CNTNAP5: variants seen among roughly 807,000 people sequenced by gnomAD.
CNTNAP5 encodes the protein contactin associated protein family member 5.
CNTNAP5 carries 72 observed loss-of-function variants against 150.2 expected under a neutral mutation model. The ratio of observed to expected loss-of-function variants is 0.48; its 90% CI spans 0.40 to 0.58. The LOEUF is 0.58. Ranked by LOEUF, CNTNAP5 falls within the 20% of genes least tolerant of loss-of-function variation. CNTNAP5 has a pLI of 0.00. For missense variants in CNTNAP5, 1,636 were observed against 1,626.2 expected, an observed-to-expected ratio of 1.01 and a Z score of -0.10; for synonymous variants, 672 against 619.8, an observed-to-expected ratio of 1.08 and a Z score of -1.25.
At chr2:124,437,439 C>G (rs1692560677) in intron 5 of CNTNAP5, among the ~76,000 whole-genome samples, 1 of 152,072 alleles carries the variant, frequency 6.6e-6, no homozygotes, top group South Asian at 2.1e-4. Context: ...AATTACTTGT[C>G]CCATTTATAC....
At chr2:124,111,424 A>C (rs888981079) in intron 1 of CNTNAP5, among the ~76,000 whole-genome samples, 1 of 152,190 alleles carries the variant, frequency 6.6e-6, no homozygotes, top group Admixed American at 6.5e-5. Context: ...GTAGCTTGGC[A>C]TGACTGATTC....
At chr2:124,528,740 A>G (rs1050662240) in intron 10 of CNTNAP5, among the ~76,000 whole-genome samples, 4 of 152,144 alleles carry the variant, frequency 2.6e-5, no homozygotes, top group Non-Finnish European at 5.9e-5. Flanking sequence ...ATTTGGTTTC[A>G]TGCTCTTGGT....
intron 19 of CNTNAP5, among the ~76,000 whole-genome samples, chr2:124,811,295 T>C (rs1682213112): frequency 6.6e-6 from 1 of 152,100 alleles, no homozygotes. Flanking sequence ...GTAATGGAAC[T>C]AAAATAACTG....
chr2:124,345,170 A>T (rs1027041101), intron 3 of CNTNAP5, among the ~76,000 whole-genome samples: 4 of 152,228 alleles, frequency 2.6e-5, no homozygotes, highest in African/African-American at 4.8e-5. Flanking sequence ...AGTCCTTTGT[A>T]TGGAAAGCAA....
In CNTNAP5 at chr2:124,582,994, G is replaced by T. The variant is rs574928321; in HGVS notation, c.1756+19671G>T. On this transcript the variant is annotated intron_variant, in intron 11 of 23. Transcript: ENST00000682447. ...AAATTATATTCATAATTTAAAAAAG[G>T]CTTTTTTTTCCAGCTTGACACCTCA... Among the ~76,000 whole-genome samples, 235 of 152,158 alleles carry T rather than the reference G, an allele frequency of 1.5e-3. 2 individuals carry two copies. The highest frequency in any genetic ancestry group is 2.6e-3 in the Non-Finnish European group (176 of 67,986).
chr2:124,027,624 A>T (rs998529140), intron 1 of CNTNAP5, among the ~76,000 whole-genome samples: 1 of 152,258 alleles, frequency 6.6e-6, no homozygotes, highest in Admixed American at 6.5e-5. Flanking sequence ...TTTAAGACTC[A>T]TGCTTATCAT....
intron 23 of CNTNAP5, among the ~76,000 whole-genome samples, chr2:124,911,752 C>T (rs555915436): frequency 2.0e-5 from 3 of 152,168 alleles, no homozygotes; most frequent in East Asian, 3.9e-4. Flanking sequence ...CATCTTGCCT[C>T]TGATTCATGA....
chr2:124,034,534 C>T (rs1442034586), intron 1 of CNTNAP5, among the ~76,000 whole-genome samples: 1 of 152,194 alleles, frequency 6.6e-6, no homozygotes, highest in Non-Finnish European at 1.5e-5. Context: ...TCACTTAGTT[C>T]CTGGGTTGGG....
At chr2:124,071,867 T>C (rs1032373616) in intron 1 of CNTNAP5, among the ~76,000 whole-genome samples, 2 of 151,872 alleles carry the variant, frequency 1.3e-5, no homozygotes, top group Non-Finnish European at 2.9e-5. Context: ...AAATTAATTC[T>C]AAGAGGCCAA....
chr2:124,402,764 C>T (rs1691462084), intron 3 of CNTNAP5, among the ~76,000 whole-genome samples: 1 of 152,318 alleles, frequency 6.6e-6, no homozygotes, highest in South Asian at 2.1e-4. Context: ...ATAATAGACC[C>T]TGTGCTCCAA....
intron 3 of CNTNAP5, among the ~76,000 whole-genome samples, chr2:124,376,463 C>T (rs757758276): frequency 7.2e-5 from 11 of 152,122 alleles, no homozygotes; most frequent in South Asian, 4.1e-4. Flanking sequence ...TCTGAGATCA[C>T]GGAACTGAGA....
intron 1 of CNTNAP5, among the ~76,000 whole-genome samples, chr2:124,026,326 C>G (rs563346433): frequency 1.2e-3 from 177 of 152,302 alleles, no homozygotes; most frequent in Non-Finnish European, 2.0e-3. Context: ...ATGGCTGCCC[C>G]TATTACAGGA....
chr2:124,391,808 T>C (rs60124048), intron 3 of CNTNAP5, among the ~76,000 whole-genome samples: 15,728 of 151,822 alleles, frequency 0.1, 1,183 homozygotes, highest in African/African-American at 0.22. Context: ...TACAAAAAAT[T>C]AGCCGGGCGC....
At position 124,720,316 on chromosome 2, in the gene CNTNAP5, A is replaced by G. The variant is rs146317301; in HGVS notation, c.2078-26913A>G. On this transcript the variant is annotated intron_variant, in intron 13 of 23. Coordinates refer to ENST00000682447, the MANE Select transcript of CNTNAP5 (RefSeq NM_001367498.1). ...AGTATTTGAGCTGCCAAATATTGTC[A>G]TTAAAACTGTTGAAAAATCTAGTGG... Among the ~76,000 whole-genome samples, 96 of 152,282 alleles carry G rather than the reference A, an allele frequency of 6.3e-4. No homozygotes were observed. The East Asian group carries it at 0.012, about 19-fold the overall frequency.
At chr2:124,269,093 C>T (rs1437269017) in intron 3 of CNTNAP5, among the ~76,000 whole-genome samples, 1 of 152,074 alleles carries the variant, frequency 6.6e-6, no homozygotes. Flanking sequence ...GGAAATACTA[C>T]CACCTGGGCA....
intron 3 of CNTNAP5, among the ~76,000 whole-genome samples, chr2:124,372,232 G>T (rs758803472): frequency 6.6e-6 from 1 of 152,012 alleles, no homozygotes; most frequent in African/African-American, 2.4e-5. Context: ...TATTCCAGCA[G>T]CCTATCAGGG....
chr2:124,524,563 C>A, intron 9 of CNTNAP5, 111 bp downstream of exon 9: 2 of 956,026 alleles, frequency 2.1e-6, no homozygotes, highest in Non-Finnish European at 3.1e-6. Flanking sequence ...TCTCCCAACA[C>A]ACAAACACAC....
At chr2:124,077,882 C>A (rs1682475058) in intron 1 of CNTNAP5, among the ~76,000 whole-genome samples, 1 of 152,158 alleles carries the variant, frequency 6.6e-6, no homozygotes. Flanking sequence ...TTCCTTTGGG[C>A]TCCTTTGTTG....
At position 124,355,193 on chromosome 2, in the gene CNTNAP5, G is replaced by T. The variant is rs550640263; in HGVS notation, c.382-62250G>T. The stretch of plus-strand genomic sequence containing the variant: ...TAGATGTCTACAAAAAATAATTAGG[G>T]GATAAATGTTCCACAGTGTTTATTA... On this transcript the variant is annotated intron_variant, in intron 3 of 23. Transcript: ENST00000682447. Among the ~76,000 whole-genome samples the T allele has an allele frequency of 7.2e-5, 11 of 151,950 alleles. No individual in the cohort carries two copies. In the East Asian group the frequency reaches 2.1e-3, roughly 29 times the overall value.
Sources: gnomAD v4.1 joint callset for allele counts (sites outside exome capture counted in the v4.1 genomes callset) on GRCh38, gnomAD v4.1.1 for gene constraint, MANE v1.5 for transcripts, NCBI Gene and HGNC (gene_info 2026-07-23, HGNC 2026-07-21) for gene names.